Variants in AKAP10 observed in about 807,000 individuals in gnomAD.
AKAP10 encodes the protein A-kinase anchoring protein 10.
In AKAP10, 24 loss-of-function variants were observed where a neutral mutation model predicts 80.8. The ratio of observed to expected loss-of-function variants is 0.30; its 90% CI spans 0.22 to 0.42. The LOEUF is 0.42. Among genes scored for constraint, AKAP10 ranks in the 10% least tolerant of loss-of-function variants. The probability of loss-of-function intolerance (pLI) is 1.00; values close to 1 mark genes in which losing one functional copy is unlikely to be tolerated. For missense variants in AKAP10, 661 were observed against 794.9 expected, an observed-to-expected ratio of 0.83 and a Z score of 2.03; for synonymous variants, 291 against 277.7, an observed-to-expected ratio of 1.05 and a Z score of -0.48.
intron 4 of AKAP10, among the ~76,000 whole-genome samples, chr17:19,955,364 C>G (rs899327000): frequency 6.6e-6 from 1 of 152,074 alleles, no homozygotes; most frequent in Admixed American, 6.6e-5. Context: ...ATAGTGGTGA[C>G]AGTTACAGGA....
At chr17:19,975,629 T>C (rs1477027113) in intron 1 of AKAP10, among the ~76,000 whole-genome samples, 1 of 152,200 alleles carries the variant, frequency 6.6e-6, no homozygotes, top group Non-Finnish European at 1.5e-5. Flanking sequence ...CACACTTACA[T>C]GGAGCGAAAG....
Position 19,962,861 on chromosome 17 carries a change from C to T in AKAP10, c.298G>A (p.Ala100Thr). 1 of 1,613,570 alleles carries T rather than the reference C, an allele frequency of 6.2e-7. No homozygotes were observed. The change falls in exon 3 of 15, where the codon GCC becomes ACC. Residue 100 changes from alanine to threonine, a missense_variant. Transcript: ENST00000225737. ...TLKKQPSHME[A>T]AHFGDLGRSC... ...TTACCCAGGTCACCAAAATGAGCGG[C>T]CTCCATGTGGCTTGGCTGCTTCTTA...
At chr17:19,919,404 C>T (rs2042785826) in intron 12 of AKAP10, among the ~76,000 whole-genome samples, 1 of 152,042 alleles carries the variant, frequency 6.6e-6, no homozygotes, top group Non-Finnish European at 1.5e-5. Flanking sequence ...TTTAATAAGG[C>T]CAGGCATGGT....
At chr17:19,972,149 G>A (rs1262441375) in intron 1 of AKAP10, among the ~76,000 whole-genome samples, 1 of 152,168 alleles carries the variant, frequency 6.6e-6, no homozygotes, top group East Asian at 1.9e-4. Flanking sequence ...GAAAGTGACT[G>A]TACCATTCCA....
chr17:19,955,182 A>G (rs950354412), intron 4 of AKAP10, among the ~76,000 whole-genome samples: 3 of 151,994 alleles, frequency 2.0e-5, no homozygotes, highest in Non-Finnish European at 4.4e-5. Flanking sequence ...AGATTGCCTC[A>G]CTGCACTCCA....
At chr17:19,954,423 CATACTT>C (rs887677590) in intron 4 of AKAP10, among the ~76,000 whole-genome samples, 2 of 151,512 alleles carry the variant, frequency 1.3e-5, no homozygotes, top group African/African-American at 2.4e-5. Flanking sequence ...ACGTAACCCT[CATACTT>C]ATACGACATT....
At chr17:19,970,964 T>C (rs572757526) in intron 1 of AKAP10, among the ~76,000 whole-genome samples, 16 of 152,092 alleles carry the variant, frequency 1.1e-4, no homozygotes, top group Non-Finnish European at 2.4e-4. Flanking sequence ...TGCAGTGGCC[T>C]GATAACACTC....
In AKAP10 at chr17:19,933,654, C is replaced by T. The variant is rs116828797; in HGVS notation, c.1468-1676G>A. On this transcript the variant is annotated intron_variant, in intron 9 of 14. Transcript: ENST00000225737. ...TTAATTTTAATCGTGAAAATATTAT[C>T]ATCATTGGGTAACAGCTGACACTCT... 7.8e-3 allele frequency among the ~76,000 whole-genome samples: 1,189 copies of T among 152,188 alleles called. 15 individuals carry two copies. The highest frequency in any genetic ancestry group is 0.027 in the African/African-American group (1,122 of 41,510).
intron 5 of AKAP10, among the ~76,000 whole-genome samples, chr17:19,943,166 G>C (rs1227559078): frequency 6.6e-6 from 1 of 152,184 alleles, no homozygotes; most frequent in Non-Finnish European, 1.5e-5. Context: ...TGGGATTACA[G>C]GCCTGAGACA....
chr17:19,936,561 T>G, intron 8 of AKAP10, 131 bp from the exon 9 acceptor site: 1 of 861,444 alleles, frequency 1.2e-6, no homozygotes, highest in Non-Finnish European at 1.7e-6. Flanking sequence ...TAGAGCTATG[T>G]GATGACAGTG....
chr17:19,972,038 A>G (rs1463916821), intron 1 of AKAP10, among the ~76,000 whole-genome samples: 1 of 152,192 alleles, frequency 6.6e-6, no homozygotes, highest in African/African-American at 2.4e-5. Context: ...CCCAGGAGGC[A>G]GAGATTGTGG....
intron 10 of AKAP10, among the ~76,000 whole-genome samples, chr17:19,926,233 G>A (rs2891912): frequency 1.5e-3 from 216 of 147,960 alleles, no homozygotes; most frequent in Non-Finnish European, 2.7e-3. Flanking sequence ...CATTTATACT[G>A]ATACAGAAAG....
At chr17:19,906,960 G>T (rs1404767459) in intron 14 of AKAP10, among the ~76,000 whole-genome samples, 1 of 151,980 alleles carries the variant, frequency 6.6e-6, no homozygotes, top group Non-Finnish European at 1.5e-5. Flanking sequence ...CCTGCAAAAG[G>T]TCACACTTAC....
In AKAP10 at chr17:19,958,345, C is replaced by T; in HGVS notation, c.546G>A (p.Leu182=). 1 of 1,614,196 alleles carries T rather than the reference C, an allele frequency of 6.2e-7. No individual in the cohort carries two copies. Among genetic ancestry groups the T allele is most frequent in the Non-Finnish European group, 8.5e-7 (1 of 1,180,026 alleles). The change falls in exon 4 of 15, where the codon CTG becomes CTA. Residue 182 remains leucine (L), a synonymous_variant. Coordinates refer to ENST00000225737, the MANE Select transcript of AKAP10 (RefSeq NM_007202.4). ...TTTTAGATGGAGAGACAGGCTCAGC[C>T]AGTGAGCTCTGCTTCACTGTGTTTA... ...HSLNTVKQSS[L]AEPVSPSKKH...
chr17:19,976,527 CTTT>C (rs1024918671), intron 1 of AKAP10, among the ~76,000 whole-genome samples: 2 of 150,430 alleles, frequency 1.3e-5, no homozygotes, highest in African/African-American at 4.9e-5. Context: ...CTGTCTGGTA[CTTT>C]TTTTTTGAGA....
At position 19,977,610 on chromosome 17, in the gene AKAP10, A is replaced by C; in HGVS notation, c.70T>G (p.Ser24Ala). The change falls in exon 1 of 15, where the codon TCC becomes GCC. Residue 24 changes from serine (S) to alanine (A), a missense_variant. Ser to Ala is a moderately conservative substitution (Grantham distance 99, BLOSUM62 1). Coordinates refer to ENST00000225737, the MANE Select transcript of AKAP10 (RefSeq NM_007202.4). Reference protein sequence around the residue: ...TLRPDPGPAMSFFRRKVKGKE... With the variant: ...TLRPDPGPAMAFFRRKVKGKE... ...CAGCTACCTTTCCGCCGGAAGAAGG[A>C]CATGGCGGGGCCCGGGTCGGGACGG... 1 of 1,235,024 alleles carries C rather than the reference A, an allele frequency of 8.1e-7. No homozygotes were observed. The highest frequency in any genetic ancestry group is 1.0e-6 in the Non-Finnish European group (1 of 988,012). The allele number at this position is 1,235,024 out of a possible 1,614,324, so 76.5% of individuals were successfully genotyped here.
chr17:19,926,942 G>C (rs111585142), intron 10 of AKAP10, among the ~76,000 whole-genome samples: 136 of 152,268 alleles, frequency 8.9e-4, no homozygotes, highest in African/African-American at 3.2e-3. Flanking sequence ...TGAACATGGT[G>C]AAACACTGTC....
rs1482157668 is a variant in AKAP10 at position 19,904,908 on chromosome 17, G to A, written c.*1319C>T. The A allele has an allele frequency of 6.6e-6, 1 of 151,806 alleles. No individual in the cohort carries two copies. The highest frequency in any genetic ancestry group is 2.4e-5 in the African/African-American group (1 of 41,394). The allele number at this position is 151,806 out of a possible 1,614,324, so 9.4% of individuals were successfully genotyped here. On this transcript the variant is annotated 3_prime_UTR_variant, in exon 15 of 15. Coordinates refer to ENST00000225737, the MANE Select transcript of AKAP10 (RefSeq NM_007202.4). The stretch of plus-strand genomic sequence containing the variant: ...TACACAAAGCCTTTTTGCTTCTTCT[G>A]TCGATGAAACAGTGTGCCTCTATAC...
intron 1 of AKAP10, among the ~76,000 whole-genome samples, chr17:19,976,300 T>A (rs777026031): frequency 3.9e-5 from 6 of 151,938 alleles, no homozygotes; most frequent in Non-Finnish European, 8.8e-5. Flanking sequence ...CAGCCTAACA[T>A]GGTGAAGCCC....
Sources: allele counts gnomAD v4.1 joint callset (sites outside exome capture counted in the v4.1 genomes callset), GRCh38; gene constraint gnomAD v4.1.1; transcripts MANE v1.5; gene names NCBI Gene and HGNC (gene_info 2026-07-23, HGNC 2026-07-21).